Variants in KDM2B observed in about 807,000 individuals in gnomAD.
The protein encoded by KDM2B is lysine-specific demethylase 2B.
KDM2B carries 26 observed loss-of-function variants against 150.0 expected under a neutral mutation model. The observed-to-expected ratio is 0.17, with a 90% CI of 0.13 to 0.24. The LOEUF (loss-of-function observed/expected upper bound fraction) is 0.24, where lower values mean the gene tolerates loss of function less well. Ranked by LOEUF, KDM2B falls within the 10% of genes least tolerant of loss-of-function variation. KDM2B has a pLI of 1.00. For synonymous variants in KDM2B, 734 were observed against 729.5 expected, an observed-to-expected ratio of 1.01 and a Z score of -0.10; for missense variants, 1,265 against 1,816.9, an observed-to-expected ratio of 0.70 and a Z score of 5.52.
chr12:121,412,850 A>G, the KDM2B span, among the ~76,000 whole-genome samples: 28,722 of 147,968 alleles, frequency 0.19, 4,228 homozygotes, highest in African/African-American at 0.42. Flanking sequence ...TTAGCCTCCC[A>G]AGTAGCTGGG....
chr12:121,522,637 C>T (rs1325144770), intron 8 of KDM2B, among the ~76,000 whole-genome samples: 1 of 152,106 alleles, frequency 6.6e-6, no homozygotes, highest in African/African-American at 2.4e-5. Context: ...CACCTGAAGT[C>T]AGGAGTTTGA....
At chr12:121,541,666 G>A (rs1888626097) in intron 6 of KDM2B, among the ~76,000 whole-genome samples, 1 of 151,996 alleles carries the variant, frequency 6.6e-6, no homozygotes, top group South Asian at 2.1e-4. Context: ...GCCACCCCCA[G>A]AAAGTACACA....
intron 9 of KDM2B, among the ~76,000 whole-genome samples, chr12:121,517,140 G>A (rs1251782639): frequency 6.6e-6 from 1 of 152,120 alleles, no homozygotes; most frequent in Non-Finnish European, 1.5e-5. Context: ...TTAAAAGAAT[G>A]TAGTGATGAT....
intron 19 of KDM2B, 29 bp from the exon 20 acceptor site, chr12:121,441,262 G>T: frequency 6.2e-7 from 1 of 1,607,850 alleles, no homozygotes. Flanking sequence ...GGGACACATC[G>T]TCAGAGGTGG....
Position 121,453,114 on chromosome 12 carries a change from A to C in KDM2B, c.1959+6T>G. ...GAGCGCAGGGCTGGGCGGGGGCCGC[A>C]CTCACCGCGATGCACTGCCGCATGA... On this transcript the variant is annotated splice_donor_region_variant and intron_variant, in intron 13 of 22. Transcript: ENST00000377071. This position sits in a 1 kb window ranked among gnomAD's most constrained non-coding sequence, Gnocchi z 6.4. 1 of 1,604,984 alleles carries C rather than the reference A, an allele frequency of 6.2e-7. No homozygotes were observed. The highest frequency in any genetic ancestry group is 8.5e-7 in the Non-Finnish European group (1 of 1,177,360).
intron 12 of KDM2B, among the ~76,000 whole-genome samples, chr12:121,462,025 G>A (rs1392010721): frequency 6.6e-6 from 1 of 152,222 alleles, no homozygotes; most frequent in Non-Finnish European, 1.5e-5. Flanking sequence ...ACAGTAAAAT[G>A]TAGCTATATG....
rs1299738118 is a variant in KDM2B at position 121,439,992 on chromosome 12, G to A, written c.3694C>T (p.Leu1232Phe). ...AGCAGGGGCATGTGGCGGATGATGA[G>A]CCGCAGGGAGGCATCTGTGATGTCC... ...GLDITDASLR[L>F]IIRHMPLLSK... The change falls in exon 22 of 23, where the codon CTC becomes TTC. Residue 1232 changes from leucine to phenylalanine, a missense_variant. Transcript: ENST00000377071. 12 of 1,614,006 alleles carry A rather than the reference G, an allele frequency of 7.4e-6. No individual in the cohort carries two copies.
chr12:121,512,683 G>A (rs1457058803), intron 10 of KDM2B, among the ~76,000 whole-genome samples: 6 of 152,154 alleles, frequency 3.9e-5, no homozygotes, highest in African/African-American at 9.7e-5. Flanking sequence ...CAGGGCGGGC[G>A]TCTGTGAGTC....
chr12:121,464,001 G>A (rs994122796), intron 12 of KDM2B, among the ~76,000 whole-genome samples: 4 of 151,838 alleles, frequency 2.6e-5, no homozygotes, highest in Non-Finnish European at 5.9e-5. Context: ...AAGACAGGAG[G>A]ATCATTGAGG....
chr12:121,475,816 T>C (rs545566113), intron 12 of KDM2B, among the ~76,000 whole-genome samples: 43 of 151,852 alleles, frequency 2.8e-4, no homozygotes, highest in Middle Eastern at 3.4e-3. Flanking sequence ...TTTGAATAGA[T>C]GTTATTTTCT....
intron 10 of KDM2B, among the ~76,000 whole-genome samples, 196 bp from the exon 11 acceptor site, chr12:121,510,235 T>C (rs1409065674): frequency 6.6e-6 from 1 of 152,212 alleles, no homozygotes; most frequent in Non-Finnish European, 1.5e-5. Flanking sequence ...GCTTCCCGGC[T>C]GTGTGCACCC....
intron 4 of KDM2B, among the ~76,000 whole-genome samples, chr12:121,567,549 A>C (rs782237391): frequency 6.6e-6 from 1 of 152,126 alleles, no homozygotes; most frequent in Non-Finnish European, 1.5e-5. Context: ...CTCTACAAAA[A>C]AGAATAGTTT....
chr12:121,514,104 A>T (rs2072885815), intron 9 of KDM2B, among the ~76,000 whole-genome samples: 1 of 152,098 alleles, frequency 6.6e-6, no homozygotes. Context: ...GAGCTGAGGG[A>T]GACACATCTC....
chr12:121,514,405 G>A (rs1315431372), intron 9 of KDM2B, among the ~76,000 whole-genome samples: 6 of 152,066 alleles, frequency 3.9e-5, no homozygotes, highest in Non-Finnish European at 7.4e-5. Flanking sequence ...CCTGAGCCCC[G>A]GGAGATTCCA....
Position 121,509,551 on chromosome 12 carries a change from C to T in KDM2B, c.1647+16G>A, listed in dbSNP as rs782801665. ...CCCTCCTCGGCCGCCCAGCCCCAGA[C>T]GCCACTCCTGCCCACCTTCACACCC... On this transcript the variant is annotated intron_variant, in intron 11 of 22. Transcript: ENST00000377071. 23 of 1,609,336 alleles carry T rather than the reference C, an allele frequency of 1.4e-5. No individual in the cohort carries two copies. In the East Asian group the frequency reaches 2.0e-4, roughly 14 times the overall value.
chr12:121,540,942 A>G (rs1555309670), intron 6 of KDM2B, among the ~76,000 whole-genome samples: 1 of 149,412 alleles, frequency 6.7e-6, no homozygotes, highest in African/African-American at 2.5e-5. Flanking sequence ...CAGTCCCTTC[A>G]AGAGGATGGG....
At chr12:121,560,482 G>A (rs1036792637) in intron 4 of KDM2B, among the ~76,000 whole-genome samples, 1 of 152,114 alleles carries the variant, frequency 6.6e-6, no homozygotes, top group African/African-American at 2.4e-5. Context: ...GGAGGTGGGT[G>A]GGGGGTGCTC....
At chr12:121,528,564 A>C (rs1727807918) in intron 8 of KDM2B, among the ~76,000 whole-genome samples, 1 of 139,042 alleles carries the variant, frequency 7.2e-6, no homozygotes, top group South Asian at 2.2e-4. Context: ...TGTCTCAAAA[A>C]AATGAAAAAA....
chr12:121,509,972 G>T lies in KDM2B; in HGVS notation c.1242C>A (p.Ala414=). ...SDSWLEMEEE[A]CDQQPQEEEE... ...CCTCCTCCTGAGGCTGCTGATCACAGGCCTCCTCCTCCATCTCCAGCCAGG... is the reference window on the plus strand; with the variant it reads ...CCTCCTCCTGAGGCTGCTGATCACATGCCTCCTCCTCCATCTCCAGCCAGG... The change falls in exon 11 of 23, where the codon GCC becomes GCA. Residue 414 remains alanine (A), a synonymous_variant. Coordinates refer to ENST00000377071, the MANE Select transcript of KDM2B (RefSeq NM_032590.5). The T allele has an allele frequency of 5.0e-6, 8 of 1,605,262 alleles. No individual in the cohort carries two copies. Among genetic ancestry groups the T allele is most frequent in the Non-Finnish European group, 6.8e-6 (8 of 1,175,188 alleles).
Sources: allele counts gnomAD v4.1 joint callset (sites outside exome capture counted in the v4.1 genomes callset), GRCh38; gene constraint gnomAD v4.1.1; non-coding constraint Gnocchi (gnomAD v3.1); transcripts MANE v1.5; gene names NCBI Gene and HGNC (gene_info 2026-07-23, HGNC 2026-07-21).